MMP16: variants seen among roughly 807,000 people sequenced by gnomAD.
MMP16 encodes the protein matrix metallopeptidase 16.
In MMP16, 12 loss-of-function variants were observed where a neutral mutation model predicts 67.8. The observed-to-expected ratio is 0.18, with a 90% CI of 0.11 to 0.29. MMP16 has a LOEUF of 0.29. MMP16 is among the 10% of genes least tolerant of loss of function. MMP16 has a pLI of 1.00. For missense variants in MMP16, 475 were observed against 765.7 expected (o/e 0.62, Z 4.48); for synonymous variants, 249 against 255.9 (o/e 0.97, Z 0.26).
chr8:88,278,637 G>A (rs1319080567), intron 1 of MMP16, among the ~76,000 whole-genome samples: 2 of 152,104 alleles, frequency 1.3e-5, no homozygotes, highest in Non-Finnish European at 2.9e-5. Context: ...CACACAAGAA[G>A]CATGAAGAGG....
At chr8:88,284,268 T>C (rs1810788294) in intron 1 of MMP16, among the ~76,000 whole-genome samples, 1 of 152,194 alleles carries the variant, frequency 6.6e-6, no homozygotes, top group Admixed American at 6.5e-5. Flanking sequence ...TATGTAACAG[T>C]CATACAATAG....
intron 4 of MMP16, among the ~76,000 whole-genome samples, chr8:88,134,831 G>T (rs1419343324): frequency 2.7e-5 from 4 of 150,928 alleles, no homozygotes; most frequent in Non-Finnish European, 5.9e-5. Flanking sequence ...ACCTAGATCT[G>T]ATGCCACTGA....
chr8:88,180,679 T>A (rs149132156), intron 3 of MMP16, among the ~76,000 whole-genome samples: 38 of 152,172 alleles, frequency 2.5e-4, no homozygotes, highest in Non-Finnish European at 3.5e-4. Flanking sequence ...GGCACTATTA[T>A]AATTGGAGAC....
At chr8:88,141,873 A>G (rs905366836) in intron 4 of MMP16, among the ~76,000 whole-genome samples, 8 of 152,040 alleles carry the variant, frequency 5.3e-5, no homozygotes, top group Non-Finnish European at 8.8e-5. Flanking sequence ...ACTCTATTCT[A>G]AAGAAATAGC....
intron 1 of MMP16, among the ~76,000 whole-genome samples, chr8:88,241,774 A>G (rs762535727): frequency 3.3e-4 from 50 of 152,074 alleles, no homozygotes; most frequent in Non-Finnish European, 5.3e-4. Context: ...ATTCTGATAC[A>G]TGTGTAATGA....
chr8:88,176,068 A>G (rs1314263345), intron 3 of MMP16, among the ~76,000 whole-genome samples: 2 of 152,202 alleles, frequency 1.3e-5, no homozygotes, highest in Non-Finnish European at 2.9e-5. Context: ...GGACTAACAC[A>G]GGTAGTATTG....
chr8:88,214,756 A>G (rs1563564302), intron 1 of MMP16, among the ~76,000 whole-genome samples: 1 of 152,164 alleles, frequency 6.6e-6, no homozygotes, highest in Non-Finnish European at 1.5e-5. Context: ...TCTAACTGAA[A>G]CGTTGTGTCC....
chr8:88,250,364 C>T (rs1554588679), intron 1 of MMP16, among the ~76,000 whole-genome samples: 1 of 152,000 alleles, frequency 6.6e-6, no homozygotes, highest in Non-Finnish European at 1.5e-5. Flanking sequence ...CTGAAAATGT[C>T]TTCTACTGAA....
chr8:88,126,681 C>G (rs1807937229), intron 4 of MMP16, among the ~76,000 whole-genome samples: 2 of 151,814 alleles, frequency 1.3e-5, no homozygotes, highest in Admixed American at 1.3e-4. Context: ...GGAATCATTA[C>G]TTTGCATACC....
chr8:88,241,038 C>A (rs1810025194), intron 1 of MMP16, among the ~76,000 whole-genome samples: 1 of 149,838 alleles, frequency 6.7e-6, no homozygotes, highest in East Asian at 1.9e-4. Context: ...GAATCTTGAA[C>A]TTTTATTCTT....
In MMP16 at chr8:88,184,746, C is replaced by CAA. The variant is rs61606557; in HGVS notation, c.404+1728_404+1729dup. ...TGAGCGACAGAGTGAGGCCCTGTCT[C>CAA]AAAAAAAAAAAAAAAAAAAAAAAAA... is the stretch of plus-strand genomic sequence containing the variant. On this transcript the variant is annotated intron_variant, in intron 3 of 9. Coordinates refer to ENST00000286614, the MANE Select transcript of MMP16 (RefSeq NM_005941.5). Among the ~76,000 whole-genome samples the CAA allele has an allele frequency of 2.1e-3, 99 of 47,450 alleles. 5 individuals carry two copies. The highest frequency in any genetic ancestry group is 0.028 in the Middle Eastern group (1 of 36). The allele number at this position is 47,450 out of a possible 152,430, so 31.1% of individuals were successfully genotyped here.
intron 4 of MMP16, among the ~76,000 whole-genome samples, chr8:88,160,914 A>C (rs1306599261): frequency 6.6e-6 from 1 of 152,228 alleles, no homozygotes; most frequent in African/African-American, 2.4e-5. Flanking sequence ...ATCATGGTGG[A>C]TAAGCTTTTT....
At chr8:88,296,496 C>T (rs1811014962) in intron 1 of MMP16, among the ~76,000 whole-genome samples, 1 of 152,078 alleles carries the variant, frequency 6.6e-6, no homozygotes, top group African/African-American at 2.4e-5. Flanking sequence ...TGGTCACCAA[C>T]ATTTACTTCT....
chr8:88,181,478 T>A (rs538883035), intron 3 of MMP16, among the ~76,000 whole-genome samples: 9 of 151,796 alleles, frequency 5.9e-5, no homozygotes, highest in Admixed American at 3.9e-4. Flanking sequence ...TCTATCAAAA[T>A]ATGCATATGA....
intron 9 of MMP16, among the ~76,000 whole-genome samples, chr8:88,044,909 T>C (rs1247824392): frequency 6.6e-6 from 1 of 152,258 alleles, no homozygotes; most frequent in African/African-American, 2.4e-5. Flanking sequence ...TTCTTAAGTT[T>C]TGAGGCACAT....
At chr8:88,198,243 C>T (rs1228574312) in intron 1 of MMP16, among the ~76,000 whole-genome samples, 2 of 152,152 alleles carry the variant, frequency 1.3e-5, no homozygotes, top group Non-Finnish European at 2.9e-5. Context: ...TTTAAATGCA[C>T]AATCATATGT....
intron 6 of MMP16, among the ~76,000 whole-genome samples, chr8:88,105,155 T>C (rs1438721370): frequency 6.7e-6 from 1 of 149,446 alleles, no homozygotes; most frequent in Non-Finnish European, 1.5e-5. Flanking sequence ...TCTCATCTTT[T>C]TTTTTTTTTT....
intron 4 of MMP16, among the ~76,000 whole-genome samples, chr8:88,148,093 A>G (rs530891506): frequency 2.0e-4 from 30 of 152,196 alleles, no homozygotes; most frequent in South Asian, 8.3e-4. Context: ...AACCAATCCT[A>G]GCCTGCTATT....
chr8:88,304,448 C>A (rs1431797432), intron 1 of MMP16, among the ~76,000 whole-genome samples: 3 of 151,986 alleles, frequency 2.0e-5, no homozygotes, highest in Non-Finnish European at 4.4e-5. Flanking sequence ...TGCAGAGAAC[C>A]CCAGTAAGAT....
Sources: allele counts gnomAD v4.1 joint callset (sites outside exome capture counted in the v4.1 genomes callset), GRCh38; gene constraint gnomAD v4.1.1; transcripts MANE v1.5; gene names NCBI Gene and HGNC (gene_info 2026-07-23, HGNC 2026-07-21).